LHFPL3: variants seen among roughly 807,000 people sequenced by gnomAD.
LHFPL3 encodes LHFPL tetraspan subfamily member 3.
In LHFPL3, 5 loss-of-function variants were observed where a neutral mutation model predicts 19.3. The ratio of observed to expected loss-of-function variants is 0.26; its 90% CI spans 0.14 to 0.54. The LOEUF is 0.54. Ranked by LOEUF, LHFPL3 falls within the 20% of genes least tolerant of loss-of-function variation. The probability of loss-of-function intolerance (pLI) is 0.94; values close to 1 mark genes in which losing one functional copy is unlikely to be tolerated. For missense variants in LHFPL3, 249 were observed against 307.4 expected (o/e 0.81, Z 1.42); for synonymous variants, 133 against 126.2 (o/e 1.05, Z -0.36).
intron 1 of LHFPL3, among the ~76,000 whole-genome samples, chr7:104,690,396 G>A (rs1305832399): frequency 1.3e-5 from 2 of 152,212 alleles, no homozygotes; most frequent in African/African-American, 2.4e-5. Flanking sequence ...TACCTCAGGG[G>A]TATATCAACT....
intron 1 of LHFPL3, among the ~76,000 whole-genome samples, chr7:104,357,400 T>C (rs536255372): frequency 6.6e-6 from 1 of 152,264 alleles, no homozygotes; most frequent in Middle Eastern, 3.4e-3. Context: ...TAAAGGCAAT[T>C]AGTAGTTATT....
Position 104,328,922 on chromosome 7 carries a change from C to T in LHFPL3, c.143C>T (p.Ala48Val). Residue 48 changes from alanine (A) to valine (V), a missense_variant, in exon 1 of 3, where the codon GCC becomes GTC. By Grantham distance (64) the Ala-to-Val change is moderately conservative. Transcript: ENST00000424859. This position sits in a 1 kb window ranked among gnomAD's most constrained non-coding sequence, Gnocchi z 4.6. ...VLWAIFTICF[A>V]IVNVVCFIQP... ...TGGGCCATCTTCACCATCTGCTTTG[C>T]CATCGTCAACGTGGTGTGCTTCATC... 1 of 1,614,230 alleles carries T rather than the reference C, an allele frequency of 6.2e-7. No homozygotes were observed. Among genetic ancestry groups the T allele is most frequent in the East Asian group, 2.2e-5 (1 of 44,848 alleles).
At chr7:104,521,379 A>G (rs965517821) in intron 1 of LHFPL3, among the ~76,000 whole-genome samples, 10 of 152,092 alleles carry the variant, frequency 6.6e-5, no homozygotes, top group African/African-American at 1.9e-4. Flanking sequence ...TATATGGTCA[A>G]TTTTTGAATA....
intron 1 of LHFPL3, among the ~76,000 whole-genome samples, chr7:104,674,454 C>T (rs1400087362): frequency 3.3e-5 from 5 of 151,168 alleles, no homozygotes; most frequent in East Asian, 1.9e-4. Flanking sequence ...CTGCAACCTC[C>T]GCCTCCTGGG....
At chr7:104,787,270 G>A (rs1789936247) in intron 2 of LHFPL3, among the ~76,000 whole-genome samples, 6 of 152,158 alleles carry the variant, frequency 3.9e-5, no homozygotes, top group East Asian at 1.9e-4. Context: ...CTGTGAGGCC[G>A]AAAATTAATG....
chr7:104,743,170 T>G (rs774440600), intron 2 of LHFPL3, among the ~76,000 whole-genome samples: 1 of 152,180 alleles, frequency 6.6e-6, no homozygotes, highest in South Asian at 2.1e-4. Flanking sequence ...GGCTCTAGGA[T>G]GCCCTGAATG....
chr7:104,542,578 A>G (rs1240996012), intron 1 of LHFPL3, among the ~76,000 whole-genome samples: 3 of 152,182 alleles, frequency 2.0e-5, no homozygotes, highest in Non-Finnish European at 4.4e-5. Context: ...AATCTTGGCC[A>G]AGAGACCATG....
At chr7:104,513,196 G>C (rs564699189) in intron 1 of LHFPL3, among the ~76,000 whole-genome samples, 15 of 152,274 alleles carry the variant, frequency 9.9e-5, no homozygotes, top group African/African-American at 3.6e-4. Flanking sequence ...GTTATAAGAA[G>C]ATTGAAATAC....
intron 2 of LHFPL3, among the ~76,000 whole-genome samples, chr7:104,869,853 A>C (rs1016797731): frequency 1.1e-4 from 16 of 152,342 alleles, no homozygotes; most frequent in African/African-American, 3.6e-4. Flanking sequence ...AATGTCCAAC[A>C]ATGGTAGACT....
At chr7:104,864,272 C>T (rs1034601500) in intron 2 of LHFPL3, among the ~76,000 whole-genome samples, 2 of 152,090 alleles carry the variant, frequency 1.3e-5, no homozygotes, top group African/African-American at 4.8e-5. Context: ...GGGTGCAGGA[C>T]AGTGGGTGCA....
At chr7:104,667,195 T>C (rs1792371268) in intron 1 of LHFPL3, among the ~76,000 whole-genome samples, 1 of 151,886 alleles carries the variant, frequency 6.6e-6, no homozygotes, top group African/African-American at 2.4e-5. Context: ...TTTAAATGAT[T>C]TTTGATGAAA....
intron 1 of LHFPL3, among the ~76,000 whole-genome samples, chr7:104,411,036 A>C (rs1271775022): frequency 1.3e-5 from 2 of 152,214 alleles, no homozygotes; most frequent in Non-Finnish European, 2.9e-5. Context: ...GGAATATAGA[A>C]AGCACATTAA....
intron 1 of LHFPL3, among the ~76,000 whole-genome samples, chr7:104,581,238 T>C (rs372326973): frequency 6.6e-6 from 1 of 152,122 alleles, no homozygotes; most frequent in Non-Finnish European, 1.5e-5. Context: ...CGTGTAGTGA[T>C]ATCTCACTGT....
rs1277542662 is a variant in LHFPL3, at chr7:104,669,664, A to G, written c.446-67011A>G. On this transcript the variant is annotated intron_variant, in intron 1 of 2. Coordinates refer to ENST00000424859, the MANE Select transcript of LHFPL3 (RefSeq NM_199000.3). ...AAAACCTCTATCCAGACAAGACAAA[A>G]TAAAACTCACCATCTCCTGAAGACC... is the stretch of plus-strand genomic sequence containing the variant. 5.6e-5 allele frequency: 74 copies of G among 1,328,298 alleles called. No individual in the cohort carries two copies. The East Asian group carries it at 9.4e-4, about 17-fold the overall frequency. The allele number at this position is 1,328,298 out of a possible 1,614,324, so 82.3% of individuals were successfully genotyped here.
At chr7:104,785,218 A>T (rs1789889211) in intron 2 of LHFPL3, 1 of 151,182 alleles carries the variant, frequency 6.6e-6, no homozygotes, top group African/African-American at 2.4e-5. Flanking sequence ...TCTCTCACCT[A>T]CCCTTTGGTT....
At chr7:104,873,251 T>C (rs1042584303) in intron 2 of LHFPL3, among the ~76,000 whole-genome samples, 1 of 152,238 alleles carries the variant, frequency 6.6e-6, no homozygotes, top group Non-Finnish European at 1.5e-5. Flanking sequence ...TGTGTGTATA[T>C]GAATATTTCT....
At chr7:104,614,706 T>TCTTG (rs1791296593) in intron 1 of LHFPL3, among the ~76,000 whole-genome samples, 1 of 143,896 alleles carries the variant, frequency 6.9e-6, no homozygotes, top group Non-Finnish European at 1.5e-5. Flanking sequence ...TTTCTTTCTT[T>TCTTG]CTTTCTTTCT....
rs535842241 is a variant in LHFPL3 at position 104,389,871 on chromosome 7, A to G, written c.445+60647A>G. 5.3e-5 allele frequency among the ~76,000 whole-genome samples: 8 copies of G among 152,242 alleles called. No individual in the cohort carries two copies. In the South Asian group the frequency reaches 8.3e-4, roughly 16 times the overall value. ...TACCATATATAAAAATCAACTCACCATCAATTACACACCTAAACGTTAGAA... is the reference window on the plus strand; with the variant it reads ...TACCATATATAAAAATCAACTCACCGTCAATTACACACCTAAACGTTAGAA... On this transcript the variant is annotated intron_variant, in intron 1 of 2. Transcript: ENST00000424859.
chr7:104,775,759 G>C, intron 2 of LHFPL3, among the ~76,000 whole-genome samples: 1 of 151,860 alleles, frequency 6.6e-6, no homozygotes, highest in African/African-American at 2.4e-5. Context: ...CAAATCTTCT[G>C]AATACACCCA....
Sources: gnomAD v4.1 joint callset for allele counts (sites outside exome capture counted in the v4.1 genomes callset) on GRCh38, gnomAD v4.1.1 for gene constraint, Gnocchi (gnomAD v3.1) non-coding constraint, MANE v1.5 for transcripts, NCBI Gene and HGNC (gene_info 2026-07-23, HGNC 2026-07-21) for gene names.